SDC2: variants seen among roughly 807,000 people sequenced by gnomAD.
SDC2 encodes the protein syndecan 2, also known as syndecan-2.
A neutral mutation model predicts 22.2 loss-of-function variants in SDC2; 13 were observed. The observed-to-expected ratio is 0.59, with a 90% CI of 0.38 to 0.93. The LOEUF is 0.93. SDC2 is among the 40% of genes least tolerant of loss of function. SDC2 has a pLI of 0.00. For synonymous variants in SDC2, 94 were observed against 92.8 expected, an observed-to-expected ratio of 1.01 and a Z score of -0.07; for missense variants, 235 against 246.8, an observed-to-expected ratio of 0.95 and a Z score of 0.32.
intron 1 of SDC2, among the ~76,000 whole-genome samples, chr8:96,562,148 C>T (rs192596138): frequency 4.5e-4 from 69 of 152,214 alleles, no homozygotes; most frequent in African/African-American, 1.4e-3. Flanking sequence ...GGTCTGTGAT[C>T]CATTTTGAGT....
intron 1 of SDC2, among the ~76,000 whole-genome samples, chr8:96,506,042 G>C (rs1002520640): frequency 6.6e-6 from 1 of 152,190 alleles, no homozygotes; most frequent in African/African-American, 2.4e-5. Context: ...TGGAGAATAA[G>C]AAGAACCCCT....
chr8:96,561,848 C>A (rs1307270050), intron 1 of SDC2, among the ~76,000 whole-genome samples: 6 of 152,182 alleles, frequency 3.9e-5, no homozygotes, highest in Admixed American at 2.0e-4. Context: ...GAGGGCAGAC[C>A]ACTTGCCACA....
At chr8:96,499,093 T>C (rs1423935341) in intron 1 of SDC2, among the ~76,000 whole-genome samples, 3 of 152,192 alleles carry the variant, frequency 2.0e-5, no homozygotes, top group African/African-American at 7.2e-5. Context: ...TTGATCACTT[T>C]CCACCACATC....
intron 1 of SDC2, among the ~76,000 whole-genome samples, chr8:96,588,426 G>C (rs558540499): frequency 1.3e-4 from 20 of 152,310 alleles, no homozygotes; most frequent in African/African-American, 3.6e-4. Context: ...TGTGTTGCTA[G>C]TAATAAAATA....
chr8:96,510,663 A>G (rs74775335), intron 1 of SDC2, among the ~76,000 whole-genome samples: 1,711 of 152,304 alleles, frequency 0.011, 13 homozygotes, highest in Non-Finnish European at 0.02. Flanking sequence ...CTGTCCTACA[A>G]TGGAGTTGGA....
chr8:96,527,288 A>G (rs112505991), intron 1 of SDC2, among the ~76,000 whole-genome samples: 1,871 of 152,198 alleles, frequency 0.012, 42 homozygotes, highest in East Asian at 0.067. Context: ...CTGCAATAAC[A>G]TAAATCCCAC....
intron 1 of SDC2, among the ~76,000 whole-genome samples, chr8:96,569,432 C>T (rs753634993): frequency 3.3e-5 from 5 of 152,212 alleles, no homozygotes; most frequent in Admixed American, 6.5e-5. Context: ...GTACACCACA[C>T]TTAGCAGAGT....
intron 1 of SDC2, among the ~76,000 whole-genome samples, chr8:96,589,391 TTTG>T (rs1443667437): frequency 4.4e-4 from 1 of 2,270 alleles, no homozygotes; most frequent in African/African-American, 1.4e-3. Flanking sequence ...TTTTGTTTTG[TTTG>T]TTTGTTTGTT....
At chr8:96,515,486 T>A (rs1173472816) in intron 1 of SDC2, among the ~76,000 whole-genome samples, 1 of 152,124 alleles carries the variant, frequency 6.6e-6, no homozygotes, top group Non-Finnish European at 1.5e-5. Context: ...TTGCTCTTGA[T>A]ATGGGAAATA....
intron 1 of SDC2, among the ~76,000 whole-genome samples, chr8:96,568,478 C>T (rs1246782600): frequency 2.6e-5 from 4 of 152,222 alleles, no homozygotes; most frequent in Admixed American, 1.3e-4. Context: ...ATTTGCCAGA[C>T]AGGCATGGTA....
intron 1 of SDC2, among the ~76,000 whole-genome samples, chr8:96,560,887 C>T (rs1428507531): frequency 1.3e-5 from 2 of 152,176 alleles, no homozygotes; most frequent in Non-Finnish European, 2.9e-5. Flanking sequence ...GGACGGGTCA[C>T]TTGAGGTCAG....
chr8:96,581,845 C>T (rs562712634), intron 1 of SDC2, among the ~76,000 whole-genome samples: 1 of 152,244 alleles, frequency 6.6e-6, no homozygotes, highest in South Asian at 2.1e-4. Context: ...AAATTACTGT[C>T]CACAGGTTTC....
At chr8:96,603,382 A>G (rs1815025485) in intron 3 of SDC2, among the ~76,000 whole-genome samples, 1 of 152,216 alleles carries the variant, frequency 6.6e-6, no homozygotes, top group African/African-American at 2.4e-5. Context: ...GACCAAGCCA[A>G]TTCACCAAAT....
At chr8:96,593,737 T>C (rs1814825429) in intron 2 of SDC2, 146 bp downstream of exon 2, 3 of 591,184 alleles carry the variant, frequency 5.1e-6, no homozygotes, top group Non-Finnish European at 9.1e-6. Context: ...GTGCTAATTC[T>C]AGCTCTCTCT....
chr8:96,494,049 A>C lies in SDC2; in HGVS notation c.-223A>C. The C allele has an allele frequency of 1.8e-6, 1 of 554,384 alleles. No homozygotes were observed. The highest frequency in any genetic ancestry group is 3.1e-6 in the Non-Finnish European group (1 of 318,060). 34.3% of individuals were successfully genotyped at this position (554,384 alleles called of 1,614,324 possible). On this transcript the variant is annotated 5_prime_UTR_variant, in exon 1 of 5. Transcript: ENST00000302190. ...GGGAGTGCAGAAACCAACAAGTGAG[A>C]GGGCGCCGCGTTCCCGGGGCGCAGC...
intron 1 of SDC2, among the ~76,000 whole-genome samples, chr8:96,535,199 G>A (rs918761467): frequency 2.0e-5 from 3 of 151,994 alleles, no homozygotes; most frequent in African/African-American, 7.3e-5. Flanking sequence ...AGTAGAGATG[G>A]GGTTTCACCA....
At chr8:96,573,916 C>T (rs1275605233) in intron 1 of SDC2, among the ~76,000 whole-genome samples, 1 of 152,072 alleles carries the variant, frequency 6.6e-6, no homozygotes. Context: ...AACACACACC[C>T]TACCCTTTAT....
At chr8:96,538,344 A>G (rs1813787655) in intron 1 of SDC2, among the ~76,000 whole-genome samples, 1 of 152,194 alleles carries the variant, frequency 6.6e-6, no homozygotes, top group African/African-American at 2.4e-5. Flanking sequence ...AAAATGTGTC[A>G]AAAATATGAA....
At chr8:96,531,496 A>T (rs1813660686) in intron 1 of SDC2, among the ~76,000 whole-genome samples, 1 of 152,258 alleles carries the variant, frequency 6.6e-6, no homozygotes, top group Non-Finnish European at 1.5e-5. Flanking sequence ...ATAGTCTAAC[A>T]TATGTAAAAA....
Sources: gnomAD v4.1 joint callset for allele counts (sites outside exome capture counted in the v4.1 genomes callset) on GRCh38, gnomAD v4.1.1 for gene constraint, MANE v1.5 for transcripts, NCBI Gene and HGNC (gene_info 2026-07-23, HGNC 2026-07-21) for gene names.